VPS13A: variants seen among roughly 807,000 people sequenced by gnomAD.
VPS13A encodes intermembrane lipid transfer protein VPS13A.
A neutral mutation model predicts 390.9 loss-of-function variants in VPS13A; 264 were observed. The observed-to-expected ratio is 0.68, with a 90% CI of 0.61 to 0.75. The LOEUF (loss-of-function observed/expected upper bound fraction) is 0.75. VPS13A is among the 30% of genes least tolerant of loss of function. VPS13A has a pLI of 0.00. For missense variants in VPS13A, 3,409 were observed against 3,733.9 expected, an observed-to-expected ratio of 0.91 and a Z score of 2.27; for synonymous variants, 1,231 against 1,227.1, an observed-to-expected ratio of 1.00 and a Z score of -0.07.
At chr9:77,290,456 T>C (rs1448377893) in intron 31 of VPS13A, among the ~76,000 whole-genome samples, 2 of 152,162 alleles carry the variant, frequency 1.3e-5, no homozygotes, top group Non-Finnish European at 2.9e-5. Flanking sequence ...TTTTCATTTT[T>C]TTCTTCAAAT....
intron 34 of VPS13A, among the ~76,000 whole-genome samples, chr9:77,306,402 G>GTGTT (rs2131404782): frequency 8.2e-6 from 1 of 121,532 alleles, no homozygotes; most frequent in African/African-American, 3.4e-5. Flanking sequence ...GAGAGAGAGA[G>GTGTT]TGTGTGTGTG....
chr9:77,269,546 T>G (rs971852597), intron 23 of VPS13A, among the ~76,000 whole-genome samples: 1 of 152,218 alleles, frequency 6.6e-6, no homozygotes, highest in Admixed American at 6.5e-5. Flanking sequence ...AATCAACTTA[T>G]CAATTTCCAC....
At chr9:77,372,644 G>A (rs1346233863) in intron 67 of VPS13A, among the ~76,000 whole-genome samples, 8 of 152,154 alleles carry the variant, frequency 5.3e-5, no homozygotes, top group African/African-American at 1.9e-4. Context: ...GGGCAATTAG[G>A]CAGGAGAAGG....
intron 35 of VPS13A, 23 bp from the exon 36 acceptor site, chr9:77,313,969 T>A: frequency 6.2e-7 from 1 of 1,601,318 alleles, no homozygotes; most frequent in Non-Finnish European, 8.5e-7. Context: ...TTTCTTTTAT[T>A]AAATAACTTT....
intron 45 of VPS13A, among the ~76,000 whole-genome samples, chr9:77,328,660 T>C (rs1435818046): frequency 1.3e-5 from 2 of 152,248 alleles, no homozygotes; most frequent in Non-Finnish European, 1.5e-5. Context: ...TTGTGTGTTA[T>C]GCAGGTGGTT....
intron 68 of VPS13A, among the ~76,000 whole-genome samples, chr9:77,385,431 A>ATC (rs1396521187): frequency 2.6e-5 from 4 of 151,028 alleles, no homozygotes; most frequent in African/African-American, 9.7e-5. Context: ...TTGTATATGC[A>ATC]TCTACTATAT....
chr9:77,323,367 T>A, intron 45 of VPS13A, 140 bp downstream of exon 45: 1 of 1,004,568 alleles, frequency 1.0e-6, no homozygotes, highest in Non-Finnish European at 1.5e-6. Flanking sequence ...GAAGACTCAC[T>A]ACCACCAGTT....
intron 68 of VPS13A, among the ~76,000 whole-genome samples, chr9:77,394,358 CAT>C (rs1181787069): frequency 2.6e-5 from 4 of 152,066 alleles, no homozygotes; most frequent in Non-Finnish European, 1.5e-5. Context: ...TGAGATGCCT[CAT>C]GTGGCCAGGG....
At position 77,293,408 on chromosome 9, in the gene VPS13A, G is replaced by T; in HGVS notation, c.3407G>T (p.Gly1136Val). The T allele has an allele frequency of 6.2e-7, 1 of 1,613,180 alleles. No homozygotes were observed. Among genetic ancestry groups the T allele is most frequent in the South Asian group, 1.1e-5 (1 of 90,982 alleles). ...KMVSYMDATA[G>V]SAYTDMNVVD... ...GTTTCTTACATGGATGCAACTGCTG[G>T]TTCTGCATACACAGATATGAATGTG... Residue 1136 changes from glycine (G) to valine (V), a missense_variant, in exon 32 of 72, where the codon GGT (glycine) becomes GTT (valine). Transcript: ENST00000360280.
intron 17 of VPS13A, among the ~76,000 whole-genome samples, chr9:77,230,027 G>C (rs1174911170): frequency 6.6e-6 from 1 of 152,008 alleles, no homozygotes; most frequent in African/African-American, 2.4e-5. Context: ...TAAGGATTTT[G>C]AGCTTTTTTT....
intron 10 of VPS13A, among the ~76,000 whole-genome samples, chr9:77,217,571 T>G (rs1057007838): frequency 6.6e-6 from 1 of 152,200 alleles, no homozygotes; most frequent in African/African-American, 2.4e-5. Flanking sequence ...TATTTGTTGT[T>G]CTGTTTCTGC....
At chr9:77,361,701 T>C (rs143340668) in intron 59 of VPS13A, among the ~76,000 whole-genome samples, 5 of 152,262 alleles carry the variant, frequency 3.3e-5, no homozygotes, top group Non-Finnish European at 5.9e-5. Flanking sequence ...AGTAACCTTA[T>C]ATTTAATCAT....
chr9:77,357,863 A>G, intron 56 of VPS13A, 25 bp downstream of exon 56: 1 of 1,602,608 alleles, frequency 6.2e-7, no homozygotes. Context: ...AAATATAGGC[A>G]AAATTGTATT....
chr9:77,210,542 A>G (rs997899564), intron 6 of VPS13A, 74 bp from the exon 7 acceptor site: 4 of 1,454,438 alleles, frequency 2.8e-6, no homozygotes, highest in Admixed American at 1.7e-5. Context: ...CTGCACATTG[A>G]CAGTTTTTTC....
intron 62 of VPS13A, 25 bp downstream of exon 62, chr9:77,368,161 G>T: frequency 6.3e-7 from 1 of 1,583,468 alleles, no homozygotes. Context: ...ATATTACAGA[G>T]GGACAGAGTG....
intron 22 of VPS13A, among the ~76,000 whole-genome samples, chr9:77,259,438 C>T (rs1340917815): frequency 1.3e-5 from 2 of 152,136 alleles, no homozygotes; most frequent in South Asian, 2.1e-4. Context: ...GACTCCAGTA[C>T]ATTTTTAGAA....
chr9:77,209,870 T>C (rs1194785870), intron 6 of VPS13A, among the ~76,000 whole-genome samples: 1 of 152,210 alleles, frequency 6.6e-6, no homozygotes, highest in Non-Finnish European at 1.5e-5. Context: ...GGAGCTAGCC[T>C]TAAATAATTC....
At chr9:77,330,311 G>C (rs74564833) in intron 45 of VPS13A, among the ~76,000 whole-genome samples, 2 of 152,064 alleles carry the variant, frequency 1.3e-5, no homozygotes, top group Non-Finnish European at 2.9e-5. Context: ...GAGCCACTGC[G>C]CCCACCCACT....
intron 51 of VPS13A, 107 bp from the exon 52 acceptor site, chr9:77,344,902 C>A (rs1443065025): frequency 2.3e-6 from 3 of 1,281,152 alleles, no homozygotes; most frequent in Non-Finnish European, 3.3e-6. Context: ...TCTCAGTCAT[C>A]CCAAAAATTA....
Sources: allele counts gnomAD v4.1 joint callset (sites outside exome capture counted in the v4.1 genomes callset), GRCh38; gene constraint gnomAD v4.1.1; transcripts MANE v1.5; gene names NCBI Gene and HGNC (gene_info 2026-07-23, HGNC 2026-07-21).